Variants in DPPA4 observed in about 807,000 individuals in gnomAD.
DPPA4 encodes the protein developmental pluripotency associated 4, also known as developmental pluripotency-associated protein 4.
A neutral mutation model predicts 33.7 loss-of-function variants in DPPA4; 22 were observed. That is an observed-to-expected ratio of 0.65 (90% CI 0.47 to 0.93). The LOEUF (loss-of-function observed/expected upper bound fraction) is 0.93, where lower values mean the gene tolerates loss of function less well. Among genes scored for constraint, DPPA4 ranks in the 40% least tolerant of loss-of-function variants. The pLI is 0.00. For missense variants in DPPA4, 340 were observed against 358.6 expected (o/e 0.95, Z 0.42); for synonymous variants, 156 against 132.3 (o/e 1.18, Z -1.23).
intron 2 of DPPA4, among the ~76,000 whole-genome samples, chr3:109,333,036 G>T (rs529498299): frequency 1.7e-4 from 25 of 151,304 alleles, no homozygotes; most frequent in Admixed American, 4.0e-4. Context: ...TAGTGGGCCG[G>T]GATCGTGCCA....
At position 109,327,449 on chromosome 3, in the gene DPPA4, T is replaced by C. The variant is rs1707961464; in HGVS notation, c.*539A>G. The C allele has an allele frequency of 6.6e-6, 1 of 152,384 alleles. No homozygotes were observed. The highest frequency in any genetic ancestry group is 1.5e-5 in the Non-Finnish European group (1 of 68,240). 9.4% of individuals were successfully genotyped at this position (152,384 alleles called of 1,614,324 possible). On this transcript the variant is annotated 3_prime_UTR_variant, in exon 7 of 7. Coordinates refer to ENST00000335658, the MANE Select transcript of DPPA4 (RefSeq NM_018189.4). Reference sequence around the variant, plus strand: ...CATTTTGGGAGGCTGAGGAGGGTGATCACTTGAGTCCAGGAGTTTGAGACC... The same window carrying C: ...CATTTTGGGAGGCTGAGGAGGGTGACCACTTGAGTCCAGGAGTTTGAGACC...
chr3:109,335,739 C>T (rs1478519301), intron 1 of DPPA4, among the ~76,000 whole-genome samples: 1 of 151,984 alleles, frequency 6.6e-6, no homozygotes, highest in Admixed American at 6.6e-5. Context: ...CTTGGCCTTC[C>T]TTTTTTCATT....
At chr3:109,337,995 CA>C (rs1160410730), upstream of DPPA4, among the ~76,000 whole-genome samples, 1 of 152,198 alleles carries the variant, frequency 6.6e-6, no homozygotes, top group Non-Finnish European at 1.5e-5. Flanking sequence ...GTTACTCAAC[CA>C]ACTAAAACTC....
intron 1 of DPPA4, among the ~76,000 whole-genome samples, chr3:109,336,993 C>T (rs1291177606): frequency 6.6e-6 from 1 of 152,168 alleles, no homozygotes; most frequent in Non-Finnish European, 1.5e-5. Context: ...CCCCGACTCC[C>T]GGGTTCAAGC....
chr3:109,336,970 G>C (rs1196138072), intron 1 of DPPA4, among the ~76,000 whole-genome samples: 1 of 152,118 alleles, frequency 6.6e-6, no homozygotes, highest in African/African-American at 2.4e-5. Context: ...GGGCGATCTC[G>C]GCTCACCGCA....
chr3:109,336,114 T>C (rs1488771883), intron 1 of DPPA4, among the ~76,000 whole-genome samples: 3 of 151,488 alleles, frequency 2.0e-5, no homozygotes, highest in Admixed American at 2.0e-4. Context: ...GATCGGCTAC[T>C]GCACACCACT....
rs71129042 is a variant in DPPA4, at chr3:109,330,300, CAAAAAAAAAAAAA to C, written c.679+211_679+223del. On this transcript the variant is annotated intron_variant, in intron 5 of 6. Coordinates refer to ENST00000335658, the MANE Select transcript of DPPA4 (RefSeq NM_018189.4). ...CTGGGCAACAAGGGAGAAACTGTCTCAAAAAAAAAAAAAAAAAAAAAAAAAAAAAAAGGAAAAA... is the reference window on the plus strand; with the variant it reads ...CTGGGCAACAAGGGAGAAACTGTCTCAAAAAAAAAAAAAAAAAAGGAAAAA... The C allele has an allele frequency of 7.3e-4, 254 of 348,944 alleles. 3 individuals carry two copies. The highest frequency in any genetic ancestry group is 6.8e-3 in the African/African-American group (199 of 29,084). The allele number at this position is 348,944 out of a possible 1,614,324, so 21.6% of individuals were successfully genotyped here.
chr3:109,333,597 ACTGAAATC>A (rs2107348588), intron 2 of DPPA4: 1 of 245,592 alleles, frequency 4.1e-6, no homozygotes, highest in South Asian at 7.9e-5. Flanking sequence ...ATCATTGCAC[ACTGAAATC>A]CTTAACTCCA....
At position 109,327,248 on chromosome 3, in the gene DPPA4, A is replaced by T. The variant is rs1044346154; in HGVS notation, c.*740T>A. The T allele has an allele frequency of 1.3e-5, 2 of 152,192 alleles. No homozygotes were observed. Among genetic ancestry groups the T allele is most frequent in the Non-Finnish European group, 2.9e-5 (2 of 68,026 alleles). The allele number at this position is 152,192 out of a possible 1,614,324, so 9.4% of individuals were successfully genotyped here. ...TTTGCCTTAAAATACTTTACGTTTT[A>T]TGAAATTGCAATTGGAATGAAGCAG... On this transcript the variant is annotated 3_prime_UTR_variant, in exon 7 of 7. Transcript: ENST00000335658.
chr3:109,337,324 C>T (rs1708234612), intron 1 of DPPA4, 140 bp downstream of exon 1: 2 of 713,238 alleles, frequency 2.8e-6, no homozygotes, highest in Non-Finnish European at 4.8e-6. Flanking sequence ...GGGCCTTACT[C>T]TTAAAATAAA....
intron 2 of DPPA4, among the ~76,000 whole-genome samples, chr3:109,333,243 G>A (rs1388466176): frequency 6.6e-6 from 1 of 151,310 alleles, no homozygotes; most frequent in Non-Finnish European, 1.5e-5. Context: ...TTGGGAGGCT[G>A]AGACAGGAGA....
rs2107335978 is a variant in DPPA4 at position 109,327,614 on chromosome 3, G to T, written c.*374C>A. The stretch of plus-strand genomic sequence containing the variant: ...GAACCCAGGAGGCGGAGATTGCACT[G>T]AACTGAGATTGCACCACTGCACTCC... On this transcript the variant is annotated 3_prime_UTR_variant, in exon 7 of 7. Coordinates refer to ENST00000335658, the MANE Select transcript of DPPA4 (RefSeq NM_018189.4). 5.8e-6 allele frequency: 1 copy of T among 173,018 alleles called. No individual in the cohort carries two copies. The highest frequency in any genetic ancestry group is 6.2e-5 in the Admixed American group (1 of 16,204). 10.7% of individuals were successfully genotyped at this position (173,018 alleles called of 1,614,324 possible). A position where few individuals can be genotyped will look rare whatever the true frequency, so the allele number is the denominator to read the frequency against.
At chr3:109,339,597 A>G (rs1254761939), upstream of DPPA4, among the ~76,000 whole-genome samples, 1 of 151,846 alleles carries the variant, frequency 6.6e-6, no homozygotes, top group East Asian at 1.9e-4. Flanking sequence ...ATTTCTACCA[A>G]AAATACAAAA....
chr3:109,332,547 A>G (rs1470513451), intron 2 of DPPA4, among the ~76,000 whole-genome samples: 1 of 152,168 alleles, frequency 6.6e-6, no homozygotes, highest in Non-Finnish European at 1.5e-5. Flanking sequence ...AGGTGGTGGC[A>G]TCGGAGGTTG....
rs537248080 is a variant in DPPA4, at chr3:109,330,735, C to G, written c.468G>C (p.Thr156=). 7 of 1,614,100 alleles carry G rather than the reference C, an allele frequency of 4.3e-6. No individual in the cohort carries two copies. In the South Asian group the frequency reaches 6.6e-5, roughly 15 times the overall value. The part of the protein sequence containing the change: ...QKKLKVEKGE[T]SLQSSETHPP... ...GATGTGTCTCAGAACTTTGCAGGGA[C>G]GTTTCCCCCTTTTCCACCTTTAATT... Residue 156 remains threonine (T), a synonymous_variant, in exon 5 of 7, where the codon ACG becomes ACC. Coordinates refer to ENST00000335658, the MANE Select transcript of DPPA4 (RefSeq NM_018189.4).
rs1449289180 is a variant in DPPA4, at chr3:109,330,721, G to T, written c.482C>A (p.Ser161Tyr). 6.2e-7 allele frequency: 1 copy of T among 1,614,024 alleles called. No homozygotes were observed. The highest frequency in any genetic ancestry group is 1.3e-5 in the African/African-American group (1 of 74,922). Reference sequence around the variant, plus strand: ...AGCCACTTCAGGAGGATGTGTCTCAGAACTTTGCAGGGACGTTTCCCCCTT... The same window carrying T: ...AGCCACTTCAGGAGGATGTGTCTCATAACTTTGCAGGGACGTTTCCCCCTT... ...VEKGETSLQS[S>Y]ETHPPEVALP... Residue 161 changes from serine to tyrosine, a missense_variant, in exon 5 of 7, where the codon TCT (serine) becomes TAT (tyrosine). This residue lies in a region of DPPA4 where 212 missense variants were observed against 206.5 expected (regional missense o/e 1.03). Coordinates refer to ENST00000335658, the MANE Select transcript of DPPA4 (RefSeq NM_018189.4).
rs1238489526 is a variant in DPPA4, at chr3:109,333,976, C to T, written c.72G>A (p.Lys24=). 4 of 1,614,144 alleles carry T rather than the reference C, an allele frequency of 2.5e-6. No individual in the cohort carries two copies. The highest frequency in any genetic ancestry group is 3.4e-6 in the Non-Finnish European group (4 of 1,180,010). ...AKGKEWTSTE[K]SREEDQQASN... ...AAGCCTGCTGATCCTCTTCCCTCGA[C>T]TTCTCTGTGGAGGTCCACTGGGGAA... The change falls in exon 2 of 7, where the codon AAG becomes AAA. Residue 24 remains lysine (K), a synonymous_variant. Coordinates refer to ENST00000335658, the MANE Select transcript of DPPA4 (RefSeq NM_018189.4).
At chr3:109,330,058 T>C (rs1444274018) in intron 5 of DPPA4, 3 of 193,348 alleles carry the variant, frequency 1.6e-5, no homozygotes, top group Admixed American at 1.1e-4. Flanking sequence ...TCCCAGCACT[T>C]TGGGAGGCCA....
At chr3:109,332,197 G>A (rs1004989312) in intron 2 of DPPA4, 166 bp from the exon 3 acceptor site, 12 of 493,200 alleles carry the variant, frequency 2.4e-5, no homozygotes, top group African/African-American at 7.7e-5. Flanking sequence ...CGCCTCGTGG[G>A]TTCAAGTGAT....
Sources: gnomAD v4.1 joint callset for allele counts (sites outside exome capture counted in the v4.1 genomes callset) on GRCh38, gnomAD v4.1.1 for gene constraint, gnomAD v4.1.1 regional missense constraint, MANE v1.5 for transcripts, NCBI Gene and HGNC (gene_info 2026-07-23, HGNC 2026-07-21) for gene names.